The following PRR16 variants were observed in gnomAD, a reference collection of about 807,000 sequenced individuals.
PRR16 encodes the protein protein Largen.
A neutral mutation model predicts 18.2 loss-of-function variants in PRR16; 6 were observed. The ratio of observed to expected loss-of-function variants is 0.33; its 90% CI spans 0.18 to 0.65. The LOEUF is 0.65. PRR16 is among the 30% of genes least tolerant of loss of function. The pLI, the probability that PRR16 is intolerant of heterozygous loss-of-function variation, is 0.74. For missense variants in PRR16, 412 were observed against 376.6 expected, an observed-to-expected ratio of 1.09 and a Z score of -0.78; for synonymous variants, 151 against 147.8, an observed-to-expected ratio of 1.02 and a Z score of -0.16.
chr5:120,685,942 C>T lies in PRR16; in HGVS notation c.160-12C>T, dbSNP rs369178674. ...TCATTCTTCAAAACAATTACCTTGT[C>T]CTTTCCACTAGGTGGTTGACCAGAT... On this transcript the variant is annotated splice_polypyrimidine_tract_variant and intron_variant, in intron 1 of 1. Transcript: ENST00000407149. The T allele has an allele frequency of 1.2e-6, 2 of 1,605,500 alleles. No homozygotes were observed. The highest frequency in any genetic ancestry group is 1.7e-6 in the Non-Finnish European group (2 of 1,175,198).
intron 1 of PRR16, among the ~76,000 whole-genome samples, chr5:120,487,034 G>C (rs1437538740): frequency 6.6e-6 from 1 of 152,164 alleles, no homozygotes; most frequent in African/African-American, 2.4e-5. Flanking sequence ...GTACCATGCT[G>C]TTTTGGTTAC....
the PRR16 span, among the ~76,000 whole-genome samples, chr5:120,701,595 A>G: frequency 2.4e-4 from 36 of 152,254 alleles, no homozygotes; most frequent in East Asian, 2.9e-3. Context: ...TATAGGGTGG[A>G]GGAGCAGAGG....
chr5:120,512,354 C>A (rs1365154616), intron 1 of PRR16, among the ~76,000 whole-genome samples: 1 of 152,106 alleles, frequency 6.6e-6, no homozygotes. Flanking sequence ...TGTGGTTCTG[C>A]TCCTAGCTAG....
chr5:120,479,079 T>A (rs1363065611), intron 1 of PRR16, among the ~76,000 whole-genome samples: 1 of 152,046 alleles, frequency 6.6e-6, no homozygotes, highest in Non-Finnish European at 1.5e-5. Flanking sequence ...CTTCCTCTAG[T>A]GTTCAAAAAT....
At chr5:120,776,660 C>CATTT in the PRR16 span, among the ~76,000 whole-genome samples, 1 of 152,120 alleles carries the variant, frequency 6.6e-6, no homozygotes, top group Non-Finnish European at 1.5e-5. Flanking sequence ...GATTTAAAAT[C>CATTT]ATTTATTTCA....
the PRR16 span, among the ~76,000 whole-genome samples, chr5:120,794,038 C>T: frequency 6.6e-6 from 1 of 152,012 alleles, no homozygotes; most frequent in Non-Finnish European, 1.5e-5. Flanking sequence ...CTGAATGTAT[C>T]CAGTACAACA....
chr5:120,575,830 C>T (rs548642858), intron 1 of PRR16, among the ~76,000 whole-genome samples: 1 of 152,224 alleles, frequency 6.6e-6, no homozygotes, highest in East Asian at 1.9e-4. Flanking sequence ...AATGTAAAAA[C>T]ATTCAAATTA....
At chr5:120,685,880 G>C in intron 1 of PRR16, 74 bp from the exon 2 acceptor site, 1 of 1,447,674 alleles carries the variant, frequency 6.9e-7, no homozygotes, top group Non-Finnish European at 9.3e-7. Flanking sequence ...ATTTCCCCTA[G>C]ACAAAAATAA....
At chr5:120,610,295 T>C (rs1754291671) in intron 1 of PRR16, among the ~76,000 whole-genome samples, 1 of 151,494 alleles carries the variant, frequency 6.6e-6, no homozygotes, top group Non-Finnish European at 1.5e-5. Flanking sequence ...GTTTTTAGTT[T>C]TCAGGCAATA....
chr5:120,701,833 C>T, the PRR16 span, among the ~76,000 whole-genome samples: 1 of 152,146 alleles, frequency 6.6e-6, no homozygotes, highest in African/African-American at 2.4e-5. Flanking sequence ...CGTCAGGCAC[C>T]TCAGACCGTT....
chr5:120,561,251 T>A (rs1220631107), intron 1 of PRR16, among the ~76,000 whole-genome samples: 1 of 152,016 alleles, frequency 6.6e-6, no homozygotes, highest in Non-Finnish European at 1.5e-5. Flanking sequence ...GTAGACCTTA[T>A]AGCTATAAAT....
intron 1 of PRR16, among the ~76,000 whole-genome samples, chr5:120,493,804 A>G (rs1024848191): frequency 3.3e-5 from 5 of 152,170 alleles, no homozygotes; most frequent in Non-Finnish European, 7.4e-5. Context: ...TTTTGTGGTT[A>G]GGCTTTTTTC....
At chr5:120,662,011 T>C (rs1756190119) in intron 1 of PRR16, among the ~76,000 whole-genome samples, 1 of 152,094 alleles carries the variant, frequency 6.6e-6, no homozygotes, top group African/African-American at 2.4e-5. Context: ...CCTCATGGTA[T>C]AGGCACAGCT....
At chr5:120,692,656 A>C in the PRR16 span, among the ~76,000 whole-genome samples, 1 of 152,178 alleles carries the variant, frequency 6.6e-6, no homozygotes, top group Non-Finnish European at 1.5e-5. Context: ...TTAGTGTTTG[A>C]ATAATTTGAA....
the PRR16 span, among the ~76,000 whole-genome samples, chr5:120,758,163 A>T: frequency 0.27 from 40,854 of 151,958 alleles, 5,829 homozygotes; most frequent in Non-Finnish European, 0.31. Context: ...ATTTGGAATC[A>T]AATTTGATGC....
intron 1 of PRR16, among the ~76,000 whole-genome samples, chr5:120,532,889 T>C (rs1751595853): frequency 6.6e-6 from 1 of 152,124 alleles, no homozygotes; most frequent in Admixed American, 6.5e-5. Flanking sequence ...TACAGAAACT[T>C]TTCTCTATAC....
chr5:120,513,651 T>G (rs911529484), intron 1 of PRR16, among the ~76,000 whole-genome samples: 1 of 152,186 alleles, frequency 6.6e-6, no homozygotes, highest in Non-Finnish European at 1.5e-5. Context: ...CTCTGTGTTT[T>G]TTTCATAGAA....
the PRR16 span, among the ~76,000 whole-genome samples, chr5:120,751,013 C>T: frequency 6.6e-6 from 1 of 152,092 alleles, no homozygotes. Flanking sequence ...TTTTTAGCTT[C>T]CATATATGAA....
the PRR16 span, among the ~76,000 whole-genome samples, chr5:120,693,272 G>A: frequency 1.1e-4 from 17 of 152,148 alleles, no homozygotes; most frequent in East Asian, 2.9e-3. Flanking sequence ...GGTTTAAAAC[G>A]TAGATAATGG....
Sources: gnomAD v4.1 joint callset for allele counts (sites outside exome capture counted in the v4.1 genomes callset) on GRCh38, gnomAD v4.1.1 for gene constraint, MANE v1.5 for transcripts, NCBI Gene and HGNC (gene_info 2026-07-23, HGNC 2026-07-21) for gene names.